Variants in EPHA4 observed in about 807,000 individuals in gnomAD.
The protein encoded by EPHA4 is EPH receptor A4.
A neutral mutation model predicts 108.3 loss-of-function variants in EPHA4; 19 were observed. The ratio of observed to expected loss-of-function variants is 0.18; its 90% CI spans 0.12 to 0.26. The LOEUF (loss-of-function observed/expected upper bound fraction) is 0.26, where lower values mean the gene tolerates loss of function less well. Ranked by LOEUF, EPHA4 falls within the 10% of genes least tolerant of loss-of-function variation. The pLI is 1.00. For synonymous variants in EPHA4, 449 were observed against 455.5 expected (o/e 0.99, Z 0.18); for missense variants, 917 against 1,254.0 (o/e 0.73, Z 4.06).
At chr2:221,506,994 A>T in intron 3 of EPHA4, among the ~76,000 whole-genome samples, 1 of 152,232 alleles carries the variant, frequency 6.6e-6, no homozygotes. Flanking sequence ...AATGTTCATT[A>T]TTACCAATTC....
intron 4 of EPHA4, among the ~76,000 whole-genome samples, chr2:221,492,695 C>T (rs557225557): frequency 6.6e-6 from 1 of 152,210 alleles, no homozygotes; most frequent in Non-Finnish European, 1.5e-5. Flanking sequence ...CATACGTTGA[C>T]GGCTGCATCT....
chr2:221,447,239 A>T (rs1690620465), intron 8 of EPHA4, among the ~76,000 whole-genome samples: 3 of 152,180 alleles, frequency 2.0e-5, no homozygotes, highest in East Asian at 1.9e-4. Context: ...TTACACTGGA[A>T]TTTACATTCT....
At chr2:221,517,421 A>G (rs1375266466) in intron 3 of EPHA4, among the ~76,000 whole-genome samples, 1 of 152,106 alleles carries the variant, frequency 6.6e-6, no homozygotes, top group African/African-American at 2.4e-5. Context: ...TGGCAATATG[A>G]TTTGATACAA....
At chr2:221,503,734 T>A (rs1692547535) in intron 3 of EPHA4, among the ~76,000 whole-genome samples, 1 of 152,242 alleles carries the variant, frequency 6.6e-6, no homozygotes, top group Non-Finnish European at 1.5e-5. Flanking sequence ...TGTGCTATTC[T>A]CGGCAGCCTT....
intron 4 of EPHA4, among the ~76,000 whole-genome samples, chr2:221,492,663 T>C (rs180695698): frequency 6.6e-6 from 1 of 152,336 alleles, no homozygotes; most frequent in African/African-American, 2.4e-5. Flanking sequence ...GTTGAACTAC[T>C]AAGCTCTAAC....
intron 3 of EPHA4, among the ~76,000 whole-genome samples, chr2:221,515,420 A>G (rs1289011446): frequency 2.0e-5 from 3 of 152,234 alleles, no homozygotes; most frequent in African/African-American, 2.4e-5. Context: ...AAGAAACATT[A>G]TTTGATATCT....
chr2:221,495,001 CAAAAAAAA>C (rs5838887), intron 4 of EPHA4, among the ~76,000 whole-genome samples: 72 of 85,500 alleles, frequency 8.4e-4, no homozygotes, highest in African/African-American at 3.1e-3. Flanking sequence ...GCAATGTTGC[CAAAAAAAA>C]AAAAAAAAAA....
chr2:221,435,874 A>G (rs999749927), intron 13 of EPHA4, among the ~76,000 whole-genome samples: 2 of 151,938 alleles, frequency 1.3e-5, no homozygotes, highest in Non-Finnish European at 2.9e-5. Context: ...GCTTTGTCTC[A>G]TTTAGAATAA....
At chr2:221,455,424 C>T (rs1167622452) in intron 8 of EPHA4, 123 bp downstream of exon 8, 4 of 721,972 alleles carry the variant, frequency 5.5e-6, no homozygotes, top group East Asian at 2.7e-5. Context: ...AAGGAGGAAA[C>T]TTGGGATGCA....
chr2:221,488,093 G>A (rs751487340), intron 4 of EPHA4, among the ~76,000 whole-genome samples: 6 of 152,108 alleles, frequency 3.9e-5, no homozygotes, highest in Non-Finnish European at 7.3e-5. Context: ...ACTCAACTCT[G>A]TAATTCTATC....
intron 15 of EPHA4, among the ~76,000 whole-genome samples, chr2:221,429,660 C>T (rs971303612): frequency 6.6e-5 from 10 of 152,192 alleles, no homozygotes; most frequent in Non-Finnish European, 1.5e-4. Flanking sequence ...CATTTCACCC[C>T]TCTTCCTAAA....
At position 221,572,178 on chromosome 2, in the gene EPHA4, C is replaced by A; in HGVS notation, c.71G>T (p.Arg24Met). The change falls in exon 1 of 18, where the codon AGG becomes ATG. Residue 24 changes from arginine to methionine, a missense_variant. By Grantham distance (91) the Arg-to-Met change is moderately conservative. Coordinates refer to ENST00000281821, the MANE Select transcript of EPHA4 (RefSeq NM_004438.5). Reference protein sequence around the residue: ...FGICDAVTGSRVYPANEVTLL... With the variant: ...FGICDAVTGSMVYPANEVTLL... ...CTTACCTTCATTCGCGGGGTATACC[C>A]TGGAACCTGTGACAGCGTCGCAAAT... The A allele has an allele frequency of 6.2e-7, 1 of 1,614,092 alleles. No homozygotes were observed. Among genetic ancestry groups the A allele is most frequent in the Non-Finnish European group, 8.5e-7 (1 of 1,179,948 alleles).
intron 3 of EPHA4, among the ~76,000 whole-genome samples, chr2:221,529,350 GGAGGGAAACT>G (rs1693434984): frequency 6.6e-6 from 1 of 152,140 alleles, no homozygotes; most frequent in African/African-American, 2.4e-5. Flanking sequence ...ACAAAGCACA[GGAGGGAAACT>G]GAGTAGACAG....
chr2:221,551,193 T>G (rs1694148802), intron 3 of EPHA4, among the ~76,000 whole-genome samples: 1 of 152,036 alleles, frequency 6.6e-6, no homozygotes, highest in Non-Finnish European at 1.5e-5. Context: ...TCTAGAAAAC[T>G]CCGGAGAATT....
At chr2:221,522,131 T>C (rs1448993108) in intron 3 of EPHA4, among the ~76,000 whole-genome samples, 1 of 152,192 alleles carries the variant, frequency 6.6e-6, no homozygotes, top group East Asian at 1.9e-4. Context: ...CTCACCATTT[T>C]CCCTTGATAT....
chr2:221,470,865 T>C (rs1691462619), intron 5 of EPHA4, among the ~76,000 whole-genome samples: 1 of 152,118 alleles, frequency 6.6e-6, no homozygotes, highest in South Asian at 2.1e-4. Flanking sequence ...TATTTGAAAA[T>C]CTGTCTTTTT....
chr2:221,567,530 C>T (rs1471611665), intron 2 of EPHA4, among the ~76,000 whole-genome samples: 1 of 152,182 alleles, frequency 6.6e-6, no homozygotes, highest in Non-Finnish European at 1.5e-5. Flanking sequence ...TGGAATTTTT[C>T]AGGAGAGAAC....
chr2:221,546,047 A>G (rs1693986660), intron 3 of EPHA4, among the ~76,000 whole-genome samples: 1 of 152,194 alleles, frequency 6.6e-6, no homozygotes, highest in African/African-American at 2.4e-5. Flanking sequence ...AACATATTAC[A>G]ATCATTTTTC....
rs972957733 is a variant in EPHA4, at chr2:221,425,529, T to C, written c.*499A>G. The C allele has an allele frequency of 1.3e-5, 2 of 153,092 alleles. No homozygotes were observed. Among genetic ancestry groups the C allele is most frequent in the Non-Finnish European group, 2.9e-5 (2 of 68,734 alleles). 9.5% of individuals were successfully genotyped at this position (153,092 alleles called of 1,614,324 possible). A position where few individuals can be genotyped will look rare whatever the true frequency, so the allele number is the denominator to read the frequency against. On this transcript the variant is annotated 3_prime_UTR_variant, in exon 17 of 18. Transcript: ENST00000281821. Reference sequence around the variant, plus strand: ...CCACGTCGCTTTCTCCTAGGACTTTTTTTTCCCCCATGGTATGAACCAAGC... The same window carrying C: ...CCACGTCGCTTTCTCCTAGGACTTTCTTTTCCCCCATGGTATGAACCAAGC...
Sources: allele counts gnomAD v4.1 joint callset (sites outside exome capture counted in the v4.1 genomes callset), GRCh38; gene constraint gnomAD v4.1.1; transcripts MANE v1.5; gene names NCBI Gene and HGNC (gene_info 2026-07-23, HGNC 2026-07-21).